The following LIG1 variants were observed in gnomAD, a reference collection of about 807,000 sequenced individuals.
The protein encoded by LIG1 is ligase I, DNA, ATP-dependent.
A neutral mutation model predicts 115.7 loss-of-function variants in LIG1; 70 were observed. The ratio of observed to expected loss-of-function variants is 0.60; its 90% CI spans 0.50 to 0.74. LIG1 has a LOEUF of 0.74. Among genes scored for constraint, LIG1 ranks in the 30% least tolerant of loss-of-function variants. The pLI, the probability that LIG1 is intolerant of heterozygous loss-of-function variation, is 0.00. For missense variants in LIG1, 1,115 were observed against 1,225.6 expected (o/e 0.91, Z 1.35); for synonymous variants, 487 against 495.3 (o/e 0.98, Z 0.22).
chr19:48,137,169 T>G lies in LIG1; in HGVS notation c.1255-85A>C, dbSNP rs2034446654. ...CCACCAGCCGTGCTGCTGCCCTGCA[T>G]TTTGGAATACCTGCCCTCCTTCCCT... On this transcript the variant is annotated intron_variant, in intron 13 of 27. Coordinates refer to ENST00000263274, the MANE Select transcript of LIG1 (RefSeq NM_000234.3). This position sits in a 1 kb window ranked among gnomAD's most constrained non-coding sequence, Gnocchi z 4.3. The G allele has an allele frequency of 3.4e-5, 39 of 1,154,876 alleles. No individual in the cohort carries two copies. Among genetic ancestry groups the G allele is most frequent in the Non-Finnish European group, 4.9e-5 (38 of 782,260 alleles). The allele number at this position is 1,154,876 out of a possible 1,614,324, so 71.5% of individuals were successfully genotyped here. A position where few individuals can be genotyped will look rare whatever the true frequency, so the allele number is the denominator to read the frequency against.
intron 12 of LIG1, 41 bp downstream of exon 12, chr19:48,139,930 G>A: frequency 6.2e-7 from 1 of 1,607,080 alleles, no homozygotes; most frequent in Non-Finnish European, 8.5e-7. Context: ...CTCTGGCTGA[G>A]CTCCTGTCCT....
chr19:48,164,066 T>C (rs1409634214), intron 2 of LIG1, among the ~76,000 whole-genome samples: 2 of 151,526 alleles, frequency 1.3e-5, no homozygotes, highest in Non-Finnish European at 2.9e-5. Flanking sequence ...ATCTCAGTGG[T>C]GAGAAACGGA....
At chr19:48,165,443 T>C (rs1465424497) in intron 2 of LIG1, 107 bp downstream of exon 2, 4 of 942,438 alleles carry the variant, frequency 4.2e-6, no homozygotes, top group Admixed American at 1.8e-5. Flanking sequence ...ACTCAAAATC[T>C]AACGTAAGAG....
At position 48,121,390 on chromosome 19, in the gene LIG1, G is replaced by A. The variant is rs1257547774; in HGVS notation, c.2233-68C>T. The A allele has an allele frequency of 9.7e-6, 14 of 1,440,938 alleles. No individual in the cohort carries two copies. The East Asian group carries it at 1.5e-4, about 15-fold the overall frequency. 89.3% of individuals were successfully genotyped at this position (1,440,938 alleles called of 1,614,324 possible). A position where few individuals can be genotyped will look rare whatever the true frequency, so the allele number is the denominator to read the frequency against. On this transcript the variant is annotated intron_variant, in intron 23 of 27. Coordinates refer to ENST00000263274, the MANE Select transcript of LIG1 (RefSeq NM_000234.3). ...AGGCGGGGCCCTCACTGCTGGGGAG[G>A]GGCTCCTCAGTGGACTGAGGAGGGA...
intron 9 of LIG1, among the ~76,000 whole-genome samples, chr19:48,144,653 G>A (rs1169618630): frequency 2.0e-5 from 3 of 152,076 alleles, no homozygotes; most frequent in East Asian, 3.9e-4. Flanking sequence ...AGGCGTACAC[G>A]ACCACACCTG....
At chr19:48,116,593 C>T (rs1311503814) in intron 26 of LIG1, among the ~76,000 whole-genome samples, 4 of 152,088 alleles carry the variant, frequency 2.6e-5, no homozygotes, top group South Asian at 2.1e-4. Flanking sequence ...TCTCAGGAGC[C>T]GCGTGATGCA....
At chr19:48,116,019 A>T (rs971374104) in intron 26 of LIG1, 54 bp from the exon 27 acceptor site, 4 of 1,316,582 alleles carry the variant, frequency 3.0e-6, no homozygotes, top group Non-Finnish European at 4.3e-6. Context: ...CCCCCTGCTC[A>T]GTCTCCTCCC....
At position 48,117,659 on chromosome 19, in the gene LIG1, G is replaced by A. The variant is rs770818176; in HGVS notation, c.2562C>T (p.Ile854=). The change falls in exon 26 of 28, where the codon ATC becomes ATT. Residue 854 remains isoleucine, a synonymous_variant. Coordinates refer to ENST00000263274, the MANE Select transcript of LIG1 (RefSeq NM_000234.3). ...TCACCAGGCCCCGCGCAGCAGGGTA[G>A]ATGGGAGAGAGGGAGAGGTCAGCGC... ...VKCADLSLSP[I]YPAARGLVDS... is the part of the protein sequence containing the mutation. 1.2e-6 allele frequency: 2 copies of A among 1,612,904 alleles called. No individual in the cohort carries two copies. The highest frequency in any genetic ancestry group is 2.2e-5 in the South Asian group (2 of 90,760).
In LIG1 at chr19:48,136,062, C is replaced by G; in HGVS notation, c.1395G>C (p.Gln465His). 6.4e-7 allele frequency: 1 copy of G among 1,570,620 alleles called. No homozygotes were observed. The highest frequency in any genetic ancestry group is 1.2e-5 in the South Asian group (1 of 85,432). The change falls in exon 15 of 28, where the codon CAG becomes CAC. Residue 465 changes from glutamine to histidine, a missense_variant. Physicochemically the swap from Gln to His is conservative, Grantham distance 24. Transcript: ENST00000263274. ...AEQSVLAALS[Q>H]AVSLTPPGQE... ...GGCCCGGGGGCGTGAGGCTCACTGC[C>G]TGGGAGAGGGCAGCCAGCACCGACT...
chr19:48,120,868 C>A (rs1189897715), intron 24 of LIG1: 1 of 1,022,402 alleles, frequency 9.8e-7, no homozygotes, highest in East Asian at 6.0e-5. Flanking sequence ...CATCAGACTG[C>A]CCCCTCCACA....
At chr19:48,161,827 T>C (rs1055739995) in intron 3 of LIG1, among the ~76,000 whole-genome samples, 3 of 27,174 alleles carry the variant, frequency 1.1e-4, no homozygotes, top group African/African-American at 5.6e-4. Context: ...TTGGGATGCC[T>C]TTTTTTTTTT....
chr19:48,131,498 GCC>G (rs1010668367), intron 18 of LIG1, among the ~76,000 whole-genome samples: 77 of 152,028 alleles, frequency 5.1e-4, no homozygotes, highest in African/African-American at 1.7e-3. Context: ...GCGGAGTCTC[GCC>G]CAGGCTGGAG....
At chr19:48,127,000 G>T (rs184112747) in intron 21 of LIG1, 1 of 474,290 alleles carries the variant, frequency 2.1e-6, no homozygotes, top group African/African-American at 1.9e-5. Context: ...ATTCTCCTGC[G>T]TGCTTCTACG....
chr19:48,118,361 G>C, intron 25 of LIG1: 1 of 168,648 alleles, frequency 5.9e-6, no homozygotes, highest in Non-Finnish European at 1.3e-5. Flanking sequence ...GTGATAGTGA[G>C]GAAGTCTCAC....
In LIG1 at chr19:48,170,207, C is replaced by T. The variant is rs113397531; in HGVS notation, c.-58+34G>A. 3.6e-3 allele frequency: 1,630 copies of T among 455,196 alleles called. 20 individuals carry two copies. The highest frequency in any genetic ancestry group is 0.029 in the African/African-American group (1,458 of 49,968). The allele number at this position is 455,196 out of a possible 1,614,324, so 28.2% of individuals were successfully genotyped here. On this transcript the variant is annotated intron_variant, in intron 1 of 27. Coordinates refer to ENST00000263274, the MANE Select transcript of LIG1 (RefSeq NM_000234.3). Reference sequence around the variant, plus strand: ...AGCATTCGGCGCACCCGCCGCCCTCCGCCTCCCATCTGCTTGCGGACGGCC... The same window carrying T: ...AGCATTCGGCGCACCCGCCGCCCTCTGCCTCCCATCTGCTTGCGGACGGCC...
intron 4 of LIG1, among the ~76,000 whole-genome samples, chr19:48,158,149 C>G (rs981212240): frequency 3.3e-5 from 5 of 152,198 alleles, no homozygotes; most frequent in Admixed American, 2.6e-4. Context: ...TCTTGTATAG[C>G]CTGCAGGACC....
chr19:48,136,953 T>C, intron 14 of LIG1, 55 bp downstream of exon 14: 2 of 1,418,148 alleles, frequency 1.4e-6, no homozygotes, highest in Non-Finnish European at 2.0e-6. Flanking sequence ...CCCTCCCTCC[T>C]TTCACCTCCG....
chr19:48,121,151 A>T lies in LIG1; in HGVS notation c.2385+19T>A, dbSNP rs779883790. ...CTCCTTCCCTCCTGCTTCTGCCATC[A>T]GCCCCAGTTCCCCAGGACCTTGCAT... is the stretch of plus-strand genomic sequence containing the variant. On this transcript the variant is annotated intron_variant, in intron 24 of 27. Coordinates refer to ENST00000263274, the MANE Select transcript of LIG1 (RefSeq NM_000234.3). 6.2e-7 allele frequency: 1 copy of T among 1,613,960 alleles called. No individual in the cohort carries two copies. The highest frequency in any genetic ancestry group is 1.3e-5 in the African/African-American group (1 of 74,930).
rs564778327 is a variant in LIG1 at position 48,124,780 on chromosome 19, G to A, written c.2005-1462C>T. On this transcript the variant is annotated intron_variant, in intron 21 of 27. Transcript: ENST00000263274. ...CTGTAATCTCAGCGCTTTGGAAAGC[G>A]GAGGTGGGTGGATCACCTGAGGTCA... 3.9e-5 allele frequency among the ~76,000 whole-genome samples: 6 copies of A among 152,234 alleles called. No homozygotes were observed. The East Asian group carries it at 5.8e-4, about 15-fold the overall frequency.
Sources: gnomAD v4.1 joint callset for allele counts (sites outside exome capture counted in the v4.1 genomes callset) on GRCh38, gnomAD v4.1.1 for gene constraint, Gnocchi (gnomAD v3.1) non-coding constraint, MANE v1.5 for transcripts, NCBI Gene and HGNC (gene_info 2026-07-23, HGNC 2026-07-21) for gene names.